The following GRID1 variants were observed in gnomAD, a reference collection of about 807,000 sequenced individuals.
GRID1 encodes glutamate receptor ionotropic, delta-1.
A neutral mutation model predicts 98.0 loss-of-function variants in GRID1; 28 were observed. The observed-to-expected ratio is 0.29, with a 90% CI of 0.21 to 0.39. The LOEUF is 0.39. Ranked by LOEUF, GRID1 falls within the 10% of genes least tolerant of loss-of-function variation. The pLI is 1.00. For missense variants in GRID1, 1,111 were observed against 1,340.5 expected (o/e 0.83, Z 2.67); for synonymous variants, 553 against 538.5 (o/e 1.03, Z -0.37).
In GRID1 at chr10:86,366,329, A is replaced by G; in HGVS notation, c.64T>C (p.Ser22Pro). The change falls in exon 1 of 16, where the codon TCC becomes CCC. Residue 22 changes from serine (S) to proline (P), a missense_variant. Physicochemically the swap from Ser to Pro is moderately conservative, Grantham distance 74. Transcript: ENST00000327946. The surrounding 1 kb of genome is among the most constrained non-coding windows in gnomAD (Gnocchi z 4.1). ...ICQCVSVRAD[S>P]IIHIGAIFEE... ...CCGCGCTTACCGATGTGGATGATGG[A>G]GTCGGCCCGCACCGACACGCACTGG... 1 of 1,509,476 alleles carries G rather than the reference A, an allele frequency of 6.6e-7. No homozygotes were observed. The allele number at this position is 1,509,476 out of a possible 1,614,324, so 93.5% of individuals were successfully genotyped here. A position where few individuals can be genotyped will look rare whatever the true frequency, so the allele number is the denominator to read the frequency against.
At chr10:86,166,714 T>C (rs1382838717) in intron 3 of GRID1, among the ~76,000 whole-genome samples, 2 of 152,234 alleles carry the variant, frequency 1.3e-5, no homozygotes, top group East Asian at 3.8e-4. Flanking sequence ...ACTCCATCTC[T>C]GCTTTCTCAA....
chr10:86,156,025 G>A (rs1845241021), intron 3 of GRID1, among the ~76,000 whole-genome samples: 1 of 152,218 alleles, frequency 6.6e-6, no homozygotes, highest in South Asian at 2.1e-4. Context: ...GCACTGTCCA[G>A]CAAGCAGGCT....
chr10:85,745,965 G>A (rs559550175), intron 8 of GRID1, among the ~76,000 whole-genome samples: 31 of 152,154 alleles, frequency 2.0e-4, no homozygotes, highest in Admixed American at 3.3e-4. Context: ...AGGAGTTAAC[G>A]ACATGAGACA....
chr10:86,232,792 C>T (rs1416152768), intron 2 of GRID1, among the ~76,000 whole-genome samples: 1 of 151,792 alleles, frequency 6.6e-6, no homozygotes, highest in Non-Finnish European at 1.5e-5. Flanking sequence ...TTTTAAGAAA[C>T]GACTGCATTT....
chr10:85,884,936 C>T (rs1841090464), intron 5 of GRID1, among the ~76,000 whole-genome samples: 1 of 152,002 alleles, frequency 6.6e-6, no homozygotes, highest in Non-Finnish European at 1.5e-5. Context: ...TTCAAGTTAA[C>T]ATCATATCCT....
chr10:86,184,272 T>C (rs1258053041), intron 3 of GRID1, among the ~76,000 whole-genome samples: 1 of 152,128 alleles, frequency 6.6e-6, no homozygotes, highest in Non-Finnish European at 1.5e-5. Context: ...GGCTGATCAA[T>C]TTTTTTATTT....
At chr10:86,306,263 T>A (rs1847757564) in intron 2 of GRID1, among the ~76,000 whole-genome samples, 1 of 152,194 alleles carries the variant, frequency 6.6e-6, no homozygotes, top group Non-Finnish European at 1.5e-5. Context: ...CAGGCCCCAG[T>A]TGGTCCCCTG....
At chr10:86,272,739 G>C (rs1847204047) in intron 2 of GRID1, among the ~76,000 whole-genome samples, 1 of 152,164 alleles carries the variant, frequency 6.6e-6, no homozygotes, top group Non-Finnish European at 1.5e-5. Context: ...GTGAGGAATA[G>C]CTTGGAACAT....
chr10:86,235,164 G>A (rs1009679081), intron 2 of GRID1, among the ~76,000 whole-genome samples: 3 of 152,200 alleles, frequency 2.0e-5, no homozygotes, highest in Non-Finnish European at 4.4e-5. Flanking sequence ...CCCTGGAGAA[G>A]GCCCAGTCCC....
chr10:86,035,705 CAG>C (rs1843251056), intron 4 of GRID1, among the ~76,000 whole-genome samples: 3 of 152,152 alleles, frequency 2.0e-5, no homozygotes, highest in Non-Finnish European at 4.4e-5. Flanking sequence ...GTGAACAAAA[CAG>C]CATAGTCCAG....
intron 12 of GRID1, among the ~76,000 whole-genome samples, chr10:85,676,938 T>C (rs1841151897): frequency 6.6e-6 from 1 of 152,168 alleles, no homozygotes; most frequent in Non-Finnish European, 1.5e-5. Context: ...TTTTTATGTT[T>C]GGGGTAGTAA....
At chr10:85,842,678 T>A (rs1268545673) in intron 8 of GRID1, among the ~76,000 whole-genome samples, 2 of 152,076 alleles carry the variant, frequency 1.3e-5, no homozygotes, top group East Asian at 3.8e-4. Context: ...TCCTACAAAC[T>A]ACCAGAAGTC....
chr10:86,335,849 G>T (rs1407375378), intron 2 of GRID1, among the ~76,000 whole-genome samples: 6 of 152,188 alleles, frequency 3.9e-5, no homozygotes, highest in Admixed American at 3.9e-4. Context: ...CTTCTCTAAA[G>T]CTCATGAAAG....
chr10:86,197,333 G>A (rs1347608367), intron 3 of GRID1, among the ~76,000 whole-genome samples: 1 of 152,128 alleles, frequency 6.6e-6, no homozygotes, highest in Admixed American at 6.5e-5. Context: ...CGCTCATGGA[G>A]CAGCAAGGAG....
intron 3 of GRID1, among the ~76,000 whole-genome samples, chr10:86,198,528 T>C (rs1328380162): frequency 6.6e-6 from 1 of 152,152 alleles, no homozygotes; most frequent in East Asian, 1.9e-4. Context: ...CGCCAGGTAC[T>C]GAGCTAAGCC....
Position 86,144,750 on chromosome 10 carries a change from G to A in GRID1, c.521-5726C>T, listed in dbSNP as rs889952872. ...CCCTTCTCCTCCTTCACACGCTCCC[G>A]GTCACACTCCCACTAGTCCTAGGTT... On this transcript the variant is annotated intron_variant, in intron 3 of 15. Transcript: ENST00000327946. Among the ~76,000 whole-genome samples, 8 of 151,966 alleles carry A rather than the reference G, an allele frequency of 5.3e-5. No individual in the cohort carries two copies. The East Asian group carries it at 5.8e-4, about 11-fold the overall frequency.
At chr10:86,218,581 G>A (rs1397401099) in intron 2 of GRID1, among the ~76,000 whole-genome samples, 1 of 152,222 alleles carries the variant, frequency 6.6e-6, no homozygotes, top group Admixed American at 6.5e-5. Context: ...AGGGTCTGGA[G>A]GCTATGCTGT....
At chr10:85,823,159 C>A (rs1411647331) in intron 8 of GRID1, among the ~76,000 whole-genome samples, 1 of 151,804 alleles carries the variant, frequency 6.6e-6, no homozygotes, top group Non-Finnish European at 1.5e-5. Context: ...GCACGTTGTG[C>A]AAATGTACCC....
chr10:86,009,898 GA>G (rs532877470), intron 4 of GRID1, among the ~76,000 whole-genome samples: 258 of 152,316 alleles, frequency 1.7e-3, no homozygotes, highest in African/African-American at 6.0e-3. Flanking sequence ...TTACCAGGCT[GA>G]AAACCCATGT....
Sources: allele counts gnomAD v4.1 joint callset (sites outside exome capture counted in the v4.1 genomes callset), GRCh38; gene constraint gnomAD v4.1.1; non-coding constraint Gnocchi (gnomAD v3.1); transcripts MANE v1.5; gene names NCBI Gene and HGNC (gene_info 2026-07-23, HGNC 2026-07-21).